The following RUNX2 variants were observed in gnomAD, a reference collection of about 807,000 sequenced individuals.
The protein encoded by RUNX2 is runt-related transcription factor 2.
Under a neutral mutation model 51.7 loss-of-function variants are expected in RUNX2, and 10 were observed. The ratio of observed to expected loss-of-function variants is 0.19; its 90% CI spans 0.12 to 0.33. The LOEUF (loss-of-function observed/expected upper bound fraction) is 0.33, where lower values mean the gene tolerates loss of function less well. Ranked by LOEUF, RUNX2 falls within the 10% of genes least tolerant of loss-of-function variation. RUNX2 has a pLI of 1.00. For synonymous variants in RUNX2, 276 were observed against 273.6 expected, an observed-to-expected ratio of 1.01 and a Z score of -0.09; for missense variants, 562 against 691.3, an observed-to-expected ratio of 0.81 and a Z score of 2.10.
chr6:45,537,548 C>A (rs1359877871), intron 7 of RUNX2, among the ~76,000 whole-genome samples: 2 of 152,182 alleles, frequency 1.3e-5, no homozygotes, highest in East Asian at 3.8e-4. Flanking sequence ...GTGCTTTGAT[C>A]GAGTACTTCT....
chr6:45,401,525 A>T (rs1436902645), intron 2 of RUNX2, among the ~76,000 whole-genome samples: 2 of 152,212 alleles, frequency 1.3e-5, no homozygotes, highest in African/African-American at 4.8e-5. Context: ...CTTTGAGTCC[A>T]TTTCTAAGTC....
chr6:45,549,722 T>C lies in RUNX2; in HGVS notation c.*2417T>C, dbSNP rs1163407481. On this transcript the variant is annotated 3_prime_UTR_variant, in exon 9 of 9. Transcript: ENST00000647337. ...GCTGCATCCTATTTAATTAAAAAGG[T>C]ACTATATTTGTACATTATTTTTTAA... The C allele has an allele frequency of 1.0e-5, 2 of 200,404 alleles. No individual in the cohort carries two copies. Among genetic ancestry groups the C allele is most frequent in the Non-Finnish European group, 2.0e-5 (2 of 100,324 alleles). 12.4% of individuals were successfully genotyped at this position (200,404 alleles called of 1,614,324 possible).
chr6:45,331,076 C>T (rs556662124), intron 2 of RUNX2, among the ~76,000 whole-genome samples: 14 of 151,818 alleles, frequency 9.2e-5, no homozygotes, highest in African/African-American at 3.1e-4. Context: ...CACACATTAA[C>T]AACTGCTTCA....
intron 2 of RUNX2, among the ~76,000 whole-genome samples, chr6:45,373,741 C>T (rs1251058073): frequency 3.3e-5 from 5 of 152,040 alleles, no homozygotes; most frequent in Non-Finnish European, 5.9e-5. Flanking sequence ...TTAGTAGAGA[C>T]GGGGTTTCGC....
chr6:45,472,884 A>G (rs1436175152), intron 5 of RUNX2, among the ~76,000 whole-genome samples: 8 of 152,174 alleles, frequency 5.3e-5, no homozygotes, highest in Non-Finnish European at 1.0e-4. Flanking sequence ...TGGGCCAAGT[A>G]TGTTGGCAAA....
chr6:45,488,827 G>C (rs12215249), intron 5 of RUNX2, among the ~76,000 whole-genome samples: 2 of 151,892 alleles, frequency 1.3e-5, no homozygotes, highest in East Asian at 3.9e-4. Context: ...ACATCTACTC[G>C]TTGGCCCGTT....
At chr6:45,457,644 T>G (rs1314702267) in intron 5 of RUNX2, among the ~76,000 whole-genome samples, 5 of 152,206 alleles carry the variant, frequency 3.3e-5, no homozygotes, top group Non-Finnish European at 7.3e-5. Flanking sequence ...TGAATTATTA[T>G]TATTTTTTAT....
At chr6:45,365,297 T>C (rs1794938797) in intron 2 of RUNX2, 1 of 1,606,462 alleles carries the variant, frequency 6.2e-7, no homozygotes, top group South Asian at 1.1e-5. Flanking sequence ...TGCCGTATTA[T>C]TCATCTAAAT....
chr6:45,526,771 T>C (rs1801685870), intron 7 of RUNX2, among the ~76,000 whole-genome samples: 1 of 152,204 alleles, frequency 6.6e-6, no homozygotes, highest in South Asian at 2.1e-4. Flanking sequence ...TTCAGGCTTC[T>C]TTACTCACTA....
At chr6:45,474,991 G>T (rs563502001) in intron 5 of RUNX2, among the ~76,000 whole-genome samples, 117 of 152,132 alleles carry the variant, frequency 7.7e-4, no homozygotes, top group Non-Finnish European at 1.4e-3. Context: ...GGGTGTGGTG[G>T]CACGTGCCTG....
intron 7 of RUNX2, among the ~76,000 whole-genome samples, chr6:45,540,525 C>T (rs1802189058): frequency 2.0e-5 from 3 of 152,050 alleles, no homozygotes; most frequent in South Asian, 2.1e-4. Flanking sequence ...TGCAGGTTTC[C>T]GTGTCTATAA....
At chr6:45,335,270 T>C (rs987800737) in intron 2 of RUNX2, among the ~76,000 whole-genome samples, 1 of 151,328 alleles carries the variant, frequency 6.6e-6, no homozygotes, top group Non-Finnish European at 1.5e-5. Context: ...TTTTACTAAA[T>C]GATTACAAAT....
chr6:45,328,860 C>T, intron 2 of RUNX2, 76 bp downstream of exon 2: 1 of 1,441,134 alleles, frequency 6.9e-7, no homozygotes, highest in Non-Finnish European at 9.8e-7. Flanking sequence ...TGATAAACTG[C>T]TAGCTTTTCC....
At chr6:45,332,674 G>A (rs1304996166) in intron 2 of RUNX2, among the ~76,000 whole-genome samples, 1 of 151,722 alleles carries the variant, frequency 6.6e-6, no homozygotes, top group Admixed American at 6.6e-5. Flanking sequence ...AGGATTCACC[G>A]AAACAGTCTA....
intron 7 of RUNX2, among the ~76,000 whole-genome samples, chr6:45,532,150 T>G (rs1055495666): frequency 5.5e-5 from 8 of 145,374 alleles, no homozygotes; most frequent in Non-Finnish European, 1.1e-4. Flanking sequence ...ATTTTGTACA[T>G]AGAAAACCTA....
At chr6:45,538,449 G>C (rs956242858) in intron 7 of RUNX2, among the ~76,000 whole-genome samples, 4 of 151,932 alleles carry the variant, frequency 2.6e-5, no homozygotes, top group East Asian at 1.9e-4. Flanking sequence ...CGCAGGAAAG[G>C]CTCTCTCTGA....
chr6:45,515,637 C>T (rs1275692791), intron 7 of RUNX2, among the ~76,000 whole-genome samples: 2 of 152,122 alleles, frequency 1.3e-5, no homozygotes, highest in Non-Finnish European at 2.9e-5. Context: ...TAAGTTAATA[C>T]CCACATGGCA....
In RUNX2 at chr6:45,535,386, C is replaced by T. The variant is rs1429522912; in HGVS notation, c.1022-9831C>T. Among the ~76,000 whole-genome samples the T allele has an allele frequency of 5.9e-5, 9 of 152,046 alleles. No homozygotes were observed. In the East Asian group the frequency reaches 7.7e-4, roughly 13 times the overall value. On this transcript the variant is annotated intron_variant, in intron 7 of 8. Transcript: ENST00000647337. ...TTGGGAGGCCGAGGCGGGCAGATCACGAGGTCAGGAGATCGAGACCATCCT... is the reference window on the plus strand; with the variant it reads ...TTGGGAGGCCGAGGCGGGCAGATCATGAGGTCAGGAGATCGAGACCATCCT...
intron 2 of RUNX2, among the ~76,000 whole-genome samples, chr6:45,391,403 G>C (rs1797467525): frequency 6.6e-6 from 1 of 152,168 alleles, no homozygotes; most frequent in Non-Finnish European, 1.5e-5. Context: ...ATGATTATAA[G>C]CTTTCTGGGC....
Sources: allele counts gnomAD v4.1 joint callset (sites outside exome capture counted in the v4.1 genomes callset), GRCh38; gene constraint gnomAD v4.1.1; transcripts MANE v1.5; gene names NCBI Gene and HGNC (gene_info 2026-07-23, HGNC 2026-07-21).